ZNF221: variants seen among roughly 807,000 people sequenced by gnomAD.
ZNF221 encodes zinc finger protein 221.
A neutral mutation model predicts 12.6 loss-of-function variants in ZNF221; 10 were observed. The observed-to-expected ratio is 0.79, with a 90% CI of 0.49 to 1.34. The LOEUF (loss-of-function observed/expected upper bound fraction) is 1.34. Ranked by LOEUF, ZNF221 falls within the 40% of genes most tolerant of loss-of-function variation. ZNF221 has a pLI of 0.00. For missense variants in ZNF221, 661 were observed against 721.4 expected (o/e 0.92, Z 0.96); for synonymous variants, 232 against 244.0 (o/e 0.95, Z 0.46).
the ZNF221 span, among the ~76,000 whole-genome samples, chr19:43,973,516 C>T: frequency 6.6e-6 from 1 of 152,098 alleles, no homozygotes; most frequent in African/African-American, 2.4e-5. Context: ...TCATCTCAGC[C>T]CAAAAGCTTT....
At chr19:43,954,913 C>T (rs1974731405) in intron 1 of ZNF221, among the ~76,000 whole-genome samples, 1 of 152,122 alleles carries the variant, frequency 6.6e-6, no homozygotes. Context: ...AATTGCTATC[C>T]CACTGACATT....
chr19:43,952,513 A>C (rs1041112438), intron 1 of ZNF221, among the ~76,000 whole-genome samples: 1 of 152,198 alleles, frequency 6.6e-6, no homozygotes, highest in Non-Finnish European at 1.5e-5. Flanking sequence ...CGTACACCAC[A>C]TGGTAGCTCT....
intron 1 of ZNF221, among the ~76,000 whole-genome samples, chr19:43,960,595 G>T (rs1371487296): frequency 6.6e-6 from 1 of 152,200 alleles, no homozygotes; most frequent in African/African-American, 2.4e-5. Context: ...TAGGAGAAAA[G>T]AATGGTTCCA....
intron 2 of ZNF221, among the ~76,000 whole-genome samples, chr19:43,964,042 ATTTTC>A (rs957997718): frequency 1.3e-5 from 2 of 152,158 alleles, no homozygotes; most frequent in African/African-American, 4.8e-5. Context: ...ATATAAAATT[ATTTTC>A]TTTACAGGAT....
chr19:43,972,855 C>G, the ZNF221 span, among the ~76,000 whole-genome samples: 1,435 of 146,810 alleles, frequency 9.8e-3, 19 homozygotes, highest in African/African-American at 0.034. Context: ...TCTACTGAAA[C>G]TATTCCAAAC....
chr19:43,965,608 C>T (rs564832831), intron 4 of ZNF221, among the ~76,000 whole-genome samples, 196 bp from the exon 5 acceptor site: 2 of 152,092 alleles, frequency 1.3e-5, no homozygotes, highest in Non-Finnish European at 2.9e-5. Flanking sequence ...TTTATTTCTA[C>T]CAGGATTTTA....
chr19:43,954,083 CAAAAAAA>C (rs5828186), intron 1 of ZNF221, among the ~76,000 whole-genome samples: 6 of 86,678 alleles, frequency 6.9e-5, no homozygotes, highest in Admixed American at 1.4e-4. Flanking sequence ...GACTCCGTCT[CAAAAAAA>C]AAAAAAAAAA....
At chr19:43,961,085 G>T (rs1472500451) in intron 1 of ZNF221, among the ~76,000 whole-genome samples, 3 of 152,162 alleles carry the variant, frequency 2.0e-5, no homozygotes, top group Non-Finnish European at 4.4e-5. Flanking sequence ...CAGGATGTGG[G>T]ACATGGAGTC....
rs768574794 is a variant in ZNF221, at chr19:43,966,861, G to A, written c.1359G>A (p.Glu453=). The A allele has an allele frequency of 1.9e-6, 3 of 1,614,222 alleles. No individual in the cohort carries two copies. Among genetic ancestry groups the A allele is most frequent in the Non-Finnish European group, 1.7e-6 (2 of 1,180,044 alleles). Residue 453 remains glutamate (E), a synonymous_variant, in exon 5 of 5, where the codon GAG becomes GAA. Transcript: ENST00000587682. ...SHNGEKPYNC[E]ECGKDYKRRL... ...ATGGAGAAAAGCCATATAACTGTGA[G>A]GAGTGTGGTAAGGACTATAAAAGGA...
chr19:43,976,554 A>T, the ZNF221 span, among the ~76,000 whole-genome samples: 552 of 152,248 alleles, frequency 3.6e-3, 5 homozygotes, highest in African/African-American at 0.013. Context: ...ATTCCTAATA[A>T]GTTTTGAATT....
At chr19:43,973,978 A>G in the ZNF221 span, among the ~76,000 whole-genome samples, 1 of 152,266 alleles carries the variant, frequency 6.6e-6, no homozygotes, top group Non-Finnish European at 1.5e-5. Context: ...AGCTGGAGGC[A>G]TTATGCAACC....
chr19:43,971,341 C>T (rs1975092303), downstream of ZNF221, among the ~76,000 whole-genome samples: 1 of 152,020 alleles, frequency 6.6e-6, no homozygotes, highest in Admixed American at 6.6e-5. Context: ...ATAAAGCAAC[C>T]ACATAAACAA....
In ZNF221 at chr19:43,967,497, G is replaced by C. The variant is rs1338162615; in HGVS notation, c.*141G>C. 66 of 587,238 alleles carry C rather than the reference G, an allele frequency of 1.1e-4. No individual in the cohort carries two copies. The Middle Eastern group carries it at 2.4e-3, about 21-fold the overall frequency. 36.4% of individuals were successfully genotyped at this position (587,238 alleles called of 1,614,324 possible). On this transcript the variant is annotated 3_prime_UTR_variant, in exon 5 of 5. Transcript: ENST00000587682. ...GATCATATCTTTTTTTTTTTTTTTT[G>C]AGACAGAGTCTCACTCTTTCACCCA...
At chr19:43,980,993 A>G in the ZNF221 span, among the ~76,000 whole-genome samples, 2 of 152,206 alleles carry the variant, frequency 1.3e-5, no homozygotes, top group African/African-American at 2.4e-5. Context: ...TTAGTAAATC[A>G]GCACTTTACA....
At chr19:43,961,760 A>C (rs1380249435) in intron 1 of ZNF221, 3 of 152,184 alleles carry the variant, frequency 2.0e-5, no homozygotes, top group African/African-American at 7.2e-5. Context: ...GACATCCTTG[A>C]AGTATATAGG....
chr19:43,963,216 G>A (rs1024661169), intron 2 of ZNF221, among the ~76,000 whole-genome samples: 3 of 152,048 alleles, frequency 2.0e-5, no homozygotes, highest in Admixed American at 6.6e-5. Flanking sequence ...ATGAATTAAT[G>A]TACCTTCTTA....
intron 1 of ZNF221, among the ~76,000 whole-genome samples, chr19:43,955,099 T>G (rs991887600): frequency 2.6e-5 from 4 of 151,868 alleles, no homozygotes; most frequent in Non-Finnish European, 5.9e-5. Context: ...AGTGTGTTTC[T>G]TGGTCTTCTT....
the ZNF221 span, among the ~76,000 whole-genome samples, chr19:43,973,953 A>C: frequency 6.6e-6 from 1 of 152,242 alleles, no homozygotes; most frequent in Non-Finnish European, 1.5e-5. Context: ...GACAATTCTA[A>C]GCAAAAAAGA....
chr19:43,959,110 A>T (rs1198959140), intron 1 of ZNF221, among the ~76,000 whole-genome samples: 1 of 152,210 alleles, frequency 6.6e-6, no homozygotes, highest in Non-Finnish European at 1.5e-5. Context: ...ATAAACCCAA[A>T]TATGCTCTTC....
Sources: allele counts gnomAD v4.1 joint callset (sites outside exome capture counted in the v4.1 genomes callset), GRCh38; gene constraint gnomAD v4.1.1; transcripts MANE v1.5; gene names NCBI Gene and HGNC (gene_info 2026-07-23, HGNC 2026-07-21).